Variants in GOLM2 observed in about 807,000 individuals in gnomAD.
The protein encoded by GOLM2 is protein GOLM2.
GOLM2 carries 26 observed loss-of-function variants against 55.9 expected under a neutral mutation model. The observed-to-expected ratio is 0.47, with a 90% CI of 0.34 to 0.65. The LOEUF is 0.65. Ranked by LOEUF, GOLM2 falls within the 30% of genes least tolerant of loss-of-function variation. The pLI, the probability that GOLM2 is intolerant of heterozygous loss-of-function variation, is 0.01. For synonymous variants in GOLM2, 165 were observed against 194.6 expected (o/e 0.85, Z 1.27); for missense variants, 486 against 531.8 (o/e 0.91, Z 0.85).
chr15:44,297,873 T>C (rs1490462936), intron 1 of GOLM2, among the ~76,000 whole-genome samples: 1 of 147,944 alleles, frequency 6.8e-6, no homozygotes, highest in Non-Finnish European at 1.5e-5. Flanking sequence ...TGGCCTTTTT[T>C]TTTTTTTTTT....
chr15:44,372,396 T>TA (rs1473940240), intron 6 of GOLM2, among the ~76,000 whole-genome samples: 4 of 152,166 alleles, frequency 2.6e-5, no homozygotes. Context: ...GCCCTGCTGT[T>TA]AGAGTAAGAA....
intron 8 of GOLM2, among the ~76,000 whole-genome samples, chr15:44,399,843 A>ATTT (rs1319054034): frequency 3.2e-4 from 49 of 152,108 alleles, no homozygotes; most frequent in Non-Finnish European, 1.2e-4. Context: ...AAAAACACAA[A>ATTT]AATTAGCCGG....
intron 9 of GOLM2, among the ~76,000 whole-genome samples, chr15:44,404,684 G>A (rs2141216597): frequency 6.6e-6 from 1 of 151,992 alleles, no homozygotes; most frequent in South Asian, 2.1e-4. Flanking sequence ...AGCTCTTGGA[G>A]GGCAGGAATT....
At chr15:44,292,081 T>C (rs1345109346) in intron 1 of GOLM2, among the ~76,000 whole-genome samples, 1 of 152,088 alleles carries the variant, frequency 6.6e-6, no homozygotes, top group African/African-American at 2.4e-5. Context: ...GCCCTGGGTA[T>C]CTTAACTACT....
At chr15:44,405,515 G>A (rs919188027) in intron 9 of GOLM2, 1 of 152,118 alleles carries the variant, frequency 6.6e-6, no homozygotes, top group African/African-American at 2.4e-5. Flanking sequence ...CTAAATAATT[G>A]TTAACATGTT....
At chr15:44,292,201 A>ATT (rs201767979) in intron 1 of GOLM2, among the ~76,000 whole-genome samples, 14 of 120,016 alleles carry the variant, frequency 1.2e-4, no homozygotes, top group South Asian at 1.0e-3. Context: ...ATATATATAT[A>ATT]TTTTTTTTTT....
intron 6 of GOLM2, among the ~76,000 whole-genome samples, chr15:44,375,036 G>A (rs992403634): frequency 2.0e-5 from 3 of 151,838 alleles, no homozygotes; most frequent in African/African-American, 7.3e-5. Context: ...ATTTATTTTT[G>A]AGACAGAGTC....
chr15:44,304,007 G>A lies in GOLM2; in HGVS notation c.327+14651G>A, dbSNP rs370004466. 6.6e-5 allele frequency among the ~76,000 whole-genome samples: 10 copies of A among 151,322 alleles called. No homozygotes were observed. The East Asian group carries it at 7.8e-4, about 12-fold the overall frequency. ...GGCCTTCCAAAGTGCTAGGATTACAGGTGTGAACCACGGTGCCTGGCCACA... is the reference window on the plus strand; with the variant it reads ...GGCCTTCCAAAGTGCTAGGATTACAAGTGTGAACCACGGTGCCTGGCCACA... On this transcript the variant is annotated intron_variant, in intron 1 of 9. Transcript: ENST00000299957.
chr15:44,369,603 C>T (rs903963891), intron 6 of GOLM2, among the ~76,000 whole-genome samples: 3 of 149,632 alleles, frequency 2.0e-5, no homozygotes, highest in Non-Finnish European at 4.4e-5. Flanking sequence ...GCGGGCGGAT[C>T]GAGAGATCAG....
intron 3 of GOLM2, among the ~76,000 whole-genome samples, chr15:44,329,974 G>T (rs1428068093): frequency 6.8e-6 from 1 of 148,104 alleles, no homozygotes; most frequent in African/African-American, 2.5e-5. Flanking sequence ...GCAGTGGCGC[G>T]ATCTTGGCTC....
intron 1 of GOLM2, among the ~76,000 whole-genome samples, chr15:44,313,765 T>A (rs2078889722): frequency 6.6e-6 from 1 of 152,228 alleles, no homozygotes; most frequent in African/African-American, 2.4e-5. Context: ...TTTGTATCCC[T>A]AGGTCTAGCA....
chr15:44,352,082 T>C (rs1370529266), intron 6 of GOLM2, among the ~76,000 whole-genome samples: 1 of 152,144 alleles, frequency 6.6e-6, no homozygotes, highest in East Asian at 1.9e-4. Flanking sequence ...CTAAAATTTA[T>C]ATGAAATCAT....
intron 1 of GOLM2, among the ~76,000 whole-genome samples, chr15:44,306,120 C>A (rs1005053728): frequency 6.6e-6 from 1 of 152,212 alleles, no homozygotes; most frequent in Non-Finnish European, 1.5e-5. Flanking sequence ...ATATTGACTT[C>A]TCTGCAGCTA....
rs372093336 is a variant in GOLM2, at chr15:44,392,555, G to A, written c.1073-10332G>A. On this transcript the variant is annotated intron_variant, in intron 8 of 9. Transcript: ENST00000299957. ...GGAGAATCGCTTGAACCCGGGAGGC[G>A]GAGGTTGCAGTGAGCCAAGATTGTG... is the stretch of plus-strand genomic sequence containing the variant. 2.7e-3 allele frequency among the ~76,000 whole-genome samples: 417 copies of A among 151,812 alleles called. 1 individual carries two copies. The highest frequency in any genetic ancestry group is 4.2e-3 in the Non-Finnish European group (282 of 67,938).
At chr15:44,303,036 G>T (rs1477693313) in intron 1 of GOLM2, among the ~76,000 whole-genome samples, 1 of 152,090 alleles carries the variant, frequency 6.6e-6, no homozygotes, top group African/African-American at 2.4e-5. Context: ...CTGGGAGGCA[G>T]AGGTTGCAGT....
intron 6 of GOLM2, among the ~76,000 whole-genome samples, chr15:44,344,781 T>A (rs544487495): frequency 0.023 from 2,844 of 126,252 alleles, 37 homozygotes; most frequent in Middle Eastern, 0.034. Context: ...ATTTAATTAA[T>A]TTTTTTTTTT....
chr15:44,344,514 G>C (rs1157798182), intron 6 of GOLM2, among the ~76,000 whole-genome samples: 1 of 151,774 alleles, frequency 6.6e-6, no homozygotes, highest in South Asian at 2.1e-4. Flanking sequence ...CCTATATGCT[G>C]ATTTAGATAA....
intron 6 of GOLM2, among the ~76,000 whole-genome samples, chr15:44,372,845 A>G (rs2079337176): frequency 6.6e-6 from 1 of 151,972 alleles, no homozygotes; most frequent in Admixed American, 6.6e-5. Flanking sequence ...CTTCTCCTCA[A>G]ATATGCTGCG....
chr15:44,331,492 GTCTA>G (rs2079021948), intron 3 of GOLM2, among the ~76,000 whole-genome samples: 1 of 152,142 alleles, frequency 6.6e-6, no homozygotes, highest in African/African-American at 2.4e-5. Context: ...GATGGCACCA[GTCTA>G]TCTTCTTTAT....
Sources: gnomAD v4.1 joint callset for allele counts (sites outside exome capture counted in the v4.1 genomes callset) on GRCh38, gnomAD v4.1.1 for gene constraint, MANE v1.5 for transcripts, NCBI Gene and HGNC (gene_info 2026-07-23, HGNC 2026-07-21) for gene names.